The following TPD52L2 variants were observed in gnomAD, a reference collection of about 807,000 sequenced individuals.
The protein encoded by TPD52L2 is TPD52 like 2.
A neutral mutation model predicts 24.7 loss-of-function variants in TPD52L2; 19 were observed. That is an observed-to-expected ratio of 0.77 (90% confidence interval 0.54 to 1.13). The LOEUF (loss-of-function observed/expected upper bound fraction) is 1.13. Ranked by LOEUF, TPD52L2 falls within the 50% of genes most tolerant of loss-of-function variation. The pLI is 0.00. For synonymous variants in TPD52L2, 104 were observed against 100.2 expected, an observed-to-expected ratio of 1.04 and a Z score of -0.23; for missense variants, 236 against 250.4, an observed-to-expected ratio of 0.94 and a Z score of 0.39.
Position 63,882,809 on chromosome 20 carries a change from T to C in TPD52L2, c.465T>C (p.Leu155=). The change falls in exon 5 of 7, where the codon CTT becomes CTC. Residue 155 remains leucine (L), a synonymous_variant. Coordinates refer to ENST00000346249, the MANE Select transcript of TPD52L2 (RefSeq NM_003288.4). ...TGGGCTCTGCCATCAGCAGGAAGCT[T>C]GGAGACATGAGGTGAGACGCAACCC... is the stretch of plus-strand genomic sequence containing the variant. ...STVGSAISRK[L]GDMRNSATFK... is the part of the protein sequence containing the mutation. 1 of 1,612,408 alleles carries C rather than the reference T, an allele frequency of 6.2e-7. No homozygotes were observed. The highest frequency in any genetic ancestry group is 8.5e-7 in the Non-Finnish European group (1 of 1,179,082).
chr20:63,865,312 C>T lies in TPD52L2; in HGVS notation c.-54C>T. 6.7e-7 allele frequency: 1 copy of T among 1,498,796 alleles called. No individual in the cohort carries two copies. Among genetic ancestry groups the T allele is most frequent in the Non-Finnish European group, 8.8e-7 (1 of 1,130,084 alleles). 92.8% of individuals were successfully genotyped at this position (1,498,796 alleles called of 1,614,324 possible). A position where few individuals can be genotyped will look rare whatever the true frequency, so the allele number is the denominator to read the frequency against. ...TGTACGCGGCGAGCTTCTCCCGGCG[C>T]CGCCCGCTCGGCTCCCATAGCGCCC... On this transcript the variant is annotated 5_prime_UTR_variant, in exon 1 of 7. Transcript: ENST00000346249.
chr20:63,873,553 G>A (rs932749569), intron 2 of TPD52L2, 115 bp from the exon 3 acceptor site: 3 of 1,175,490 alleles, frequency 2.6e-6, no homozygotes, highest in East Asian at 2.8e-5. Context: ...TTCCTAGGAC[G>A]AGTTAATGCT....
At chr20:63,884,761 C>T (rs535406771) in intron 5 of TPD52L2, among the ~76,000 whole-genome samples, 3 of 150,350 alleles carry the variant, frequency 2.0e-5, no homozygotes, top group Admixed American at 6.6e-5. Flanking sequence ...CACTGTGCCA[C>T]GTGTTTGCAC....
intron 4 of TPD52L2, among the ~76,000 whole-genome samples, chr20:63,879,123 C>A (rs1328665255): frequency 6.6e-6 from 1 of 152,148 alleles, no homozygotes; most frequent in Non-Finnish European, 1.5e-5. Flanking sequence ...TGGGCAGGGA[C>A]CTGCTGTAGG....
intron 1 of TPD52L2, 42 bp downstream of exon 1, chr20:63,865,426 G>C: frequency 6.6e-7 from 1 of 1,508,916 alleles, no homozygotes; most frequent in Non-Finnish European, 8.8e-7. Flanking sequence ...ATGGGCCCAG[G>C]CTGCCCGTTG....
chr20:63,881,286 G>A (rs543983417), intron 4 of TPD52L2, among the ~76,000 whole-genome samples: 6 of 152,196 alleles, frequency 3.9e-5, no homozygotes, highest in East Asian at 1.9e-4. Flanking sequence ...TCTTGAACCC[G>A]GAGGCGGAGG....
intron 5 of TPD52L2, among the ~76,000 whole-genome samples, chr20:63,886,503 A>AG (rs2053116807): frequency 4.0e-5 from 6 of 151,638 alleles, no homozygotes; most frequent in Admixed American, 3.9e-4. Flanking sequence ...CTGGGACTAC[A>AG]GGCGCCCGCC....
At chr20:63,876,150 C>T (rs1379159173) in intron 4 of TPD52L2, among the ~76,000 whole-genome samples, 1 of 152,192 alleles carries the variant, frequency 6.6e-6, no homozygotes, top group South Asian at 2.1e-4. Flanking sequence ...CTGCACTGGT[C>T]CTGGCTGTAT....
intron 2 of TPD52L2, among the ~76,000 whole-genome samples, chr20:63,870,520 G>GT (rs959786861): frequency 0.055 from 5,157 of 94,608 alleles, 340 homozygotes; most frequent in South Asian, 0.15. Flanking sequence ...ATAAGGTGAA[G>GT]TTTTTTTTTT....
At chr20:63,879,503 ACC>A (rs2052815622) in intron 4 of TPD52L2, among the ~76,000 whole-genome samples, 2 of 151,594 alleles carry the variant, frequency 1.3e-5, no homozygotes, top group African/African-American at 4.9e-5. Context: ...CACGCTCAGG[ACC>A]CCACATCTCA....
chr20:63,874,313 C>G (rs1193036173), intron 3 of TPD52L2, among the ~76,000 whole-genome samples: 5 of 150,426 alleles, frequency 3.3e-5, no homozygotes, highest in African/African-American at 1.2e-4. Context: ...AACTCCTGAC[C>G]TTGTGATCCA....
chr20:63,886,322 A>G (rs1426980106), intron 5 of TPD52L2, among the ~76,000 whole-genome samples: 1 of 150,892 alleles, frequency 6.6e-6, no homozygotes, highest in Non-Finnish European at 1.5e-5. Flanking sequence ...GTCTGTGAAT[A>G]ACTGGCCTGG....
At chr20:63,872,695 T>TTTG (rs1196810962) in intron 2 of TPD52L2, among the ~76,000 whole-genome samples, 9 of 146,884 alleles carry the variant, frequency 6.1e-5, no homozygotes, top group African/African-American at 2.3e-4. Flanking sequence ...TCACCATTTT[T>TTTG]TTGTTGTTGT....
intron 6 of TPD52L2, 132 bp downstream of exon 6, chr20:63,889,370 C>A: frequency 1.2e-6 from 1 of 839,486 alleles, no homozygotes; most frequent in Non-Finnish European, 2.0e-6. Flanking sequence ...GTTCCTTGTG[C>A]CTTTTACACA....
At chr20:63,874,126 G>A (rs1347108922) in intron 3 of TPD52L2, among the ~76,000 whole-genome samples, 1 of 149,596 alleles carries the variant, frequency 6.7e-6, no homozygotes. Context: ...ATCTTAGCTC[G>A]CTGCAACCTC....
chr20:63,885,123 G>A (rs976710398), intron 5 of TPD52L2, among the ~76,000 whole-genome samples: 2 of 152,210 alleles, frequency 1.3e-5, no homozygotes, highest in African/African-American at 2.4e-5. Flanking sequence ...GATGAACCCC[G>A]GCGGACCCCT....
intron 1 of TPD52L2, among the ~76,000 whole-genome samples, chr20:63,866,654 G>C (rs1401286602): frequency 6.7e-6 from 1 of 149,910 alleles, no homozygotes; most frequent in Non-Finnish European, 1.5e-5. Flanking sequence ...GTAGAGACGG[G>C]GTTTCACTGT....
intron 4 of TPD52L2, among the ~76,000 whole-genome samples, chr20:63,881,038 C>G (rs1228478250): frequency 6.6e-6 from 1 of 150,940 alleles, no homozygotes; most frequent in African/African-American, 2.4e-5. Context: ...GAAAGTGCAT[C>G]CTCTGGGCTG....
In TPD52L2 at chr20:63,875,691, C is replaced by T. The variant is rs2052645644; in HGVS notation, c.315-125C>T. The T allele has an allele frequency of 6.4e-6, 6 of 943,666 alleles. No homozygotes were observed. The East Asian group carries it at 7.8e-5, about 12-fold the overall frequency. 58.5% of individuals were successfully genotyped at this position (943,666 alleles called of 1,614,324 possible). On this transcript the variant is annotated intron_variant, in intron 3 of 6. Transcript: ENST00000346249. ...GAGGCAGTGGACCCCATTTTTGGGC[C>T]GTCTGTGGAGTTGATGTTCCTGCCA... is the stretch of plus-strand genomic sequence containing the variant.
Sources: allele counts gnomAD v4.1 joint callset (sites outside exome capture counted in the v4.1 genomes callset), GRCh38; gene constraint gnomAD v4.1.1; transcripts MANE v1.5; gene names NCBI Gene and HGNC (gene_info 2026-07-23, HGNC 2026-07-21).